The following FZD9 variants were observed in gnomAD, a reference collection of about 807,000 sequenced individuals.
FZD9 encodes frizzled class receptor 9.
A neutral mutation model predicts 29.9 loss-of-function variants in FZD9; 29 were observed. That is an observed-to-expected ratio of 0.97 (90% CI 0.72 to 1.32). The LOEUF (loss-of-function observed/expected upper bound fraction) is 1.32. Among genes scored for constraint, FZD9 ranks in the 40% most tolerant of loss-of-function variants. The pLI is 0.00. For missense variants in FZD9, 822 were observed against 857.8 expected (o/e 0.96, Z 0.52); for synonymous variants, 384 against 393.9 (o/e 0.97, Z 0.30).
chr7:73,434,644 C>CCT lies in FZD9; in HGVS notation c.638_639insTC (p.Cys215AlafsTer69). 1 of 1,597,650 alleles carries CCT rather than the reference C, an allele frequency of 6.3e-7. No homozygotes were observed. The highest frequency in any genetic ancestry group is 2.2e-5 in the East Asian group (1 of 44,758). ...CGTGGAGAAGAGCCGCTCGTGCGCA[C>CCT]CGCGCTGCGGGCCCGGCGTCGAGGT... On this transcript the variant is annotated frameshift_variant, in exon 1 of 1. Transcript: ENST00000344575. LOFTEE classifies it high-confidence loss of function.
chr7:73,435,240 G>A lies in FZD9; in HGVS notation c.1233G>A (p.Val411=). The A allele has an allele frequency of 6.2e-7, 1 of 1,613,688 alleles. No individual in the cohort carries two copies. The highest frequency in any genetic ancestry group is 8.5e-7 in the Non-Finnish European group (1 of 1,180,022). ...TGGTGCCCCTCTCTGGCTACCTGGT[G>A]CTGGGCAGTAGTTTCCTCCTGACCG... The part of the protein sequence containing the change: ...FVLVPLSGYL[V]LGSSFLLTGF... Residue 411 remains valine, a synonymous_variant, in exon 1 of 1, where the codon GTG becomes GTA. Transcript: ENST00000344575.
rs372342933 is a variant in FZD9, at chr7:73,434,424, C to T, written c.417C>T (p.Cys139=). 6.9e-5 allele frequency: 107 copies of T among 1,559,548 alleles called. No individual in the cohort carries two copies. Among genetic ancestry groups the T allele is most frequent in the Non-Finnish European group, 7.9e-5 (92 of 1,161,792 alleles). ...TCGGCTGGCCGGACTCGCTCGACTGCGCCCGGCTGCCCACGCGCAACGACC... is the reference window on the plus strand; with the variant it reads ...TCGGCTGGCCGGACTCGCTCGACTGTGCCCGGCTGCCCACGCGCAACGACC... ...FNFGWPDSLD[C]ARLPTRNDPH... is the part of the protein sequence containing the mutation. The change falls in exon 1 of 1, where the codon TGC becomes TGT. Residue 139 remains cysteine (C), a synonymous_variant. Coordinates refer to ENST00000344575, the MANE Select transcript of FZD9 (RefSeq NM_003508.3).
Position 73,434,018 on chromosome 7 carries a change from C to A in FZD9, c.11C>A (p.Ala4Glu). 6 of 1,224,020 alleles carry A rather than the reference C, an allele frequency of 4.9e-6. No individual in the cohort carries two copies. Among genetic ancestry groups the A allele is most frequent in the Non-Finnish European group, 6.1e-6 (6 of 983,748 alleles). The allele number at this position is 1,224,020 out of a possible 1,614,324, so 75.8% of individuals were successfully genotyped here. MAV[A>E]PLRGALLLWQ... ...CCCGGGCCTCCCGGGATGGCCGTGG[C>A]GCCTCTGCGGGGGGCGCTGCTGCTG... The change falls in exon 1 of 1, where the codon GCG becomes GAG. Residue 4 changes from alanine to glutamate, a missense_variant. Coordinates refer to ENST00000344575, the MANE Select transcript of FZD9 (RefSeq NM_003508.3).
At position 73,434,373 on chromosome 7, in the gene FZD9, C is replaced by A. The variant is rs1161513152; in HGVS notation, c.366C>A (p.Cys122Ter). ...RPMCEQARLRCAPIMEQFNFG... is the reference protein window; with the variant it reads ...RPMCEQARLR ...TGTGCGAGCAGGCGCGCCTGCGCTG[C>A]GCGCCCATCATGGAGCAGTTCAACT... is the stretch of plus-strand genomic sequence containing the variant. Residue 122 changes from cysteine (C) to a stop codon, truncating the protein, a stop_gained, in exon 1 of 1, where the codon TGC (cysteine) becomes TGA (stop). Coordinates refer to ENST00000344575, the MANE Select transcript of FZD9 (RefSeq NM_003508.3). LOFTEE classifies it low-confidence loss of function (END_TRUNC). 8 of 1,583,666 alleles carry A rather than the reference C, an allele frequency of 5.1e-6. No individual in the cohort carries two copies. The highest frequency in any genetic ancestry group is 6.8e-6 in the Non-Finnish European group (8 of 1,172,112).
At position 73,435,857 on chromosome 7, in the gene FZD9, G is replaced by A. The variant is rs1787413704; in HGVS notation, c.*74G>A. 2 of 1,507,574 alleles carry A rather than the reference G, an allele frequency of 1.3e-6. No individual in the cohort carries two copies. Among genetic ancestry groups the A allele is most frequent in the African/African-American group, 2.8e-5 (2 of 71,456 alleles). The allele number at this position is 1,507,574 out of a possible 1,614,324, so 93.4% of individuals were successfully genotyped here. A position where few individuals can be genotyped will look rare whatever the true frequency, so the allele number is the denominator to read the frequency against. ...CGCCCTGCCCCCTGCATCCCCTAGA[G>A]ACAGCTGACTAGCAGCTGCCCAGCT... is the stretch of plus-strand genomic sequence containing the variant. On this transcript the variant is annotated 3_prime_UTR_variant, in exon 1 of 1. Transcript: ENST00000344575.
rs782017831 is a variant in FZD9, at chr7:73,435,085, A to G, written c.1078A>G (p.Met360Val). 6.2e-7 allele frequency: 1 copy of G among 1,612,474 alleles called. No homozygotes were observed. Among genetic ancestry groups the G allele is most frequent in the Non-Finnish European group, 8.5e-7 (1 of 1,179,426 alleles). The change falls in exon 1 of 1, where the codon ATG (methionine) becomes GTG (valine). Residue 360 changes from methionine (M) to valine (V), a missense_variant. Coordinates refer to ENST00000344575, the MANE Select transcript of FZD9 (RefSeq NM_003508.3). Reference sequence around the variant, plus strand: ...CGAGGCCCACGGCAGCTATTTCCACATGGCTGCCTGGGGCCTGCCCGCGCT... The same window carrying G: ...CGAGGCCCACGGCAGCTATTTCCACGTGGCTGCCTGGGGCCTGCCCGCGCT... The part of the protein sequence containing the change: ...AIEAHGSYFH[M>V]AAWGLPALKT...
chr7:73,434,495 C>T lies in FZD9; in HGVS notation c.488C>T (p.Pro163Leu). The change falls in exon 1 of 1, where the codon CCC (proline) becomes CTC (leucine). Residue 163 changes from proline (P) to leucine (L), a missense_variant. By Grantham distance (98) the Pro-to-Leu change is moderately conservative. Coordinates refer to ENST00000344575, the MANE Select transcript of FZD9 (RefSeq NM_003508.3). ...GCGCCCGAGAACGCCACGGCCGGCC[C>T]CGCGGAGCCCCACAAGGGCCTGGGC... Reference protein sequence around the residue: ...MEAPENATAGPAEPHKGLGML... With the variant: ...MEAPENATAGLAEPHKGLGML... The T allele has an allele frequency of 6.8e-7, 1 of 1,473,288 alleles. No homozygotes were observed. Among genetic ancestry groups the T allele is most frequent in the South Asian group, 1.3e-5 (1 of 76,398 alleles). 91.3% of individuals were successfully genotyped at this position (1,473,288 alleles called of 1,614,324 possible).
In FZD9 at chr7:73,435,456, G is replaced by C; in HGVS notation, c.1449G>C (p.Gln483His). The C allele has an allele frequency of 6.2e-7, 1 of 1,613,348 alleles. No individual in the cohort carries two copies. The highest frequency in any genetic ancestry group is 8.5e-7 in the Non-Finnish European group (1 of 1,179,906). The change falls in exon 1 of 1, where the codon CAG becomes CAC. Residue 483 changes from glutamine to histidine, a missense_variant. Physicochemically the swap from Gln to His is conservative, Grantham distance 24. Coordinates refer to ENST00000344575, the MANE Select transcript of FZD9 (RefSeq NM_003508.3). ...MDFWRLRATE[Q>H]PCAAAAGPGG... The stretch of plus-strand genomic sequence containing the variant: ...TCTGGCGCCTTCGGGCCACAGAGCA[G>C]CCATGCGCAGCGGCCGCGGGGCCCG...
chr7:73,435,678 C>A lies in FZD9; in HGVS notation c.1671C>A (p.Ala557=). 2 of 1,613,174 alleles carry A rather than the reference C, an allele frequency of 1.2e-6. No individual in the cohort carries two copies. The highest frequency in any genetic ancestry group is 1.7e-6 in the Non-Finnish European group (2 of 1,179,846). Residue 557 remains alanine, a synonymous_variant, in exon 1 of 1, where the codon GCC becomes GCA. Coordinates refer to ENST00000344575, the MANE Select transcript of FZD9 (RefSeq NM_003508.3). The part of the protein sequence containing the change: ...AGRARAKACR[A]PGSYGRGTHC... ...GGGCCCGGGCCAAGGCCTGCCGCGC[C>A]CCCGGGAGCTACGGACGTGGCACGC...
Position 73,433,991 on chromosome 7 carries a change from G to T in FZD9, c.-17G>T. 4.2e-6 allele frequency: 5 copies of T among 1,197,670 alleles called. No individual in the cohort carries two copies. The highest frequency in any genetic ancestry group is 5.2e-6 in the Non-Finnish European group (5 of 966,274). The allele number at this position is 1,197,670 out of a possible 1,614,324, so 74.2% of individuals were successfully genotyped here. On this transcript the variant is annotated 5_prime_UTR_variant, in exon 1 of 1. Transcript: ENST00000344575. ...GAGCCGGGGCCGCGCTCCCGCCTTC[G>T]GCCCGGGCCTCCCGGGATGGCCGTG...
Position 73,434,375 on chromosome 7 carries a change from C to T in FZD9, c.368C>T (p.Ala123Val). Reference protein sequence around the residue: ...PMCEQARLRCAPIMEQFNFGW... With the variant: ...PMCEQARLRCVPIMEQFNFGW... Reference sequence around the variant, plus strand: ...TGCGAGCAGGCGCGCCTGCGCTGCGCGCCCATCATGGAGCAGTTCAACTTC... The same window carrying T: ...TGCGAGCAGGCGCGCCTGCGCTGCGTGCCCATCATGGAGCAGTTCAACTTC... Residue 123 changes from alanine (A) to valine (V), a missense_variant, in exon 1 of 1, where the codon GCG becomes GTG. Ala to Val is a moderately conservative substitution (Grantham distance 64). Transcript: ENST00000344575. The T allele has an allele frequency of 6.3e-7, 1 of 1,584,020 alleles. No homozygotes were observed.
Position 73,434,469 on chromosome 7 carries a change from G to C in FZD9, c.462G>C (p.Glu154Asp). Residue 154 changes from glutamate (E) to aspartate (D), a missense_variant, in exon 1 of 1, where the codon GAG becomes GAC. Physicochemically the swap from Glu to Asp is conservative, Grantham distance 45. Coordinates refer to ENST00000344575, the MANE Select transcript of FZD9 (RefSeq NM_003508.3). ...TRNDPHALCM[E>D]APENATAGPA... ...ACGACCCGCACGCGCTGTGCATGGA[G>C]GCGCCCGAGAACGCCACGGCCGGCC... 6.6e-7 allele frequency: 1 copy of C among 1,507,132 alleles called. No individual in the cohort carries two copies. The highest frequency in any genetic ancestry group is 8.8e-7 in the Non-Finnish European group (1 of 1,135,942). The allele number at this position is 1,507,132 out of a possible 1,614,324, so 93.4% of individuals were successfully genotyped here. A position where few individuals can be genotyped will look rare whatever the true frequency, so the allele number is the denominator to read the frequency against.
Position 73,435,746 on chromosome 7 carries a change from A to G in FZD9, c.1739A>G (p.Lys580Arg). The G allele has an allele frequency of 6.2e-7, 1 of 1,604,074 alleles. No homozygotes were observed. The highest frequency in any genetic ancestry group is 8.5e-7 in the Non-Finnish European group (1 of 1,173,296). The stretch of plus-strand genomic sequence containing the variant: ...CCCACCGTGGTCTTGCACATGACTA[A>G]GACGGACCCCTCTTTGGAGAACCCC... ...KAPTVVLHMT[K>R]TDPSLENPTH... The change falls in exon 1 of 1, where the codon AAG (lysine) becomes AGG (arginine). Residue 580 changes from lysine to arginine, a missense_variant. By Grantham distance (26) the Lys-to-Arg change is conservative. Coordinates refer to ENST00000344575, the MANE Select transcript of FZD9 (RefSeq NM_003508.3).
chr7:73,435,484 G>T lies in FZD9; in HGVS notation c.1477G>T (p.Gly493Cys), dbSNP rs1554563607. The change falls in exon 1 of 1, where the codon GGC (glycine) becomes TGC (cysteine). Residue 493 changes from glycine to cysteine, a missense_variant. By Grantham distance (159) the Gly-to-Cys change is radical. Coordinates refer to ENST00000344575, the MANE Select transcript of FZD9 (RefSeq NM_003508.3). ...QPCAAAAGPG[G>C]RRDCSLPGGS... Reference sequence around the variant, plus strand: ...ATGCGCAGCGGCCGCGGGGCCCGGAGGCCGGAGGGACTGCTCGCTGCCAGG... The same window carrying T: ...ATGCGCAGCGGCCGCGGGGCCCGGATGCCGGAGGGACTGCTCGCTGCCAGG... 1.2e-6 allele frequency: 2 copies of T among 1,612,872 alleles called. No individual in the cohort carries two copies. The highest frequency in any genetic ancestry group is 1.7e-6 in the Non-Finnish European group (2 of 1,179,680).
chr7:73,435,394 A>G lies in FZD9; in HGVS notation c.1387A>G (p.Ile463Val), dbSNP rs782125902. Residue 463 changes from isoleucine (I) to valine (V), a missense_variant, in exon 1 of 1, where the codon ATC becomes GTC. By Grantham distance (29) the Ile-to-Val change is conservative (BLOSUM62 3). Transcript: ENST00000344575. The part of the protein sequence containing the change: ...ILYTVPATCV[I>V]VCYVYERLNM... ...CTACACGGTGCCCGCCACCTGCGTC[A>G]TCGTTTGCTATGTCTACGAACGCCT... 6.2e-7 allele frequency: 1 copy of G among 1,614,020 alleles called. No individual in the cohort carries two copies. The highest frequency in any genetic ancestry group is 1.3e-5 in the African/African-American group (1 of 75,076).
rs1554563583 is a variant in FZD9 at position 73,435,377 on chromosome 7, T to A, written c.1370T>A (p.Val457Glu). The A allele has an allele frequency of 1.9e-6, 3 of 1,613,904 alleles. No homozygotes were observed. The highest frequency in any genetic ancestry group is 4.5e-5 in the East Asian group (2 of 44,882). The change falls in exon 1 of 1, where the codon GTG (valine) becomes GAG (glutamate). Residue 457 changes from valine (V) to glutamate (E), a missense_variant. By Grantham distance (121) the Val-to-Glu change is moderately radical (BLOSUM62 -2). Coordinates refer to ENST00000344575, the MANE Select transcript of FZD9 (RefSeq NM_003508.3). ...KIGVFSILYT[V>E]PATCVIVCYV... ...GGGGTCTTCTCCATCCTCTACACGG[T>A]GCCCGCCACCTGCGTCATCGTTTGC...
rs1554563589 is a variant in FZD9, at chr7:73,435,403, T to A, written c.1396T>A (p.Tyr466Asn). 6.2e-7 allele frequency: 1 copy of A among 1,613,964 alleles called. No homozygotes were observed. The highest frequency in any genetic ancestry group is 1.1e-5 in the South Asian group (1 of 91,090). Residue 466 changes from tyrosine to asparagine, a missense_variant, in exon 1 of 1, where the codon TAT (tyrosine) becomes AAT (asparagine). Physicochemically the swap from Tyr to Asn is moderately radical, Grantham distance 143. Transcript: ENST00000344575. ...GCCCGCCACCTGCGTCATCGTTTGC[T>A]ATGTCTACGAACGCCTCAACATGGA... The part of the protein sequence containing the change: ...TVPATCVIVC[Y>N]VYERLNMDFW...
In FZD9 at chr7:73,433,903, C is replaced by A; in HGVS notation, c.-105C>A. ...GCCCGGACACACGTGGGCGGCTCAG[C>A]GATGGCCCGCGCCCCGCGACGTGGC... On this transcript the variant is annotated 5_prime_UTR_variant, in exon 1 of 1. Transcript: ENST00000344575. 1 of 911,494 alleles carries A rather than the reference C, an allele frequency of 1.1e-6. No homozygotes were observed. Among genetic ancestry groups the A allele is most frequent in the South Asian group, 5.1e-5 (1 of 19,760 alleles). The allele number at this position is 911,494 out of a possible 1,614,324, so 56.5% of individuals were successfully genotyped here.
Position 73,435,650 on chromosome 7 carries a change from G to A in FZD9, c.1643G>A (p.Gly548Asp). The A allele has an allele frequency of 1.2e-6, 2 of 1,613,144 alleles. No individual in the cohort carries two copies. Among genetic ancestry groups the A allele is most frequent in the Non-Finnish European group, 1.7e-6 (2 of 1,179,864 alleles). Residue 548 changes from glycine (G) to aspartate (D), a missense_variant, in exon 1 of 1, where the codon GGC becomes GAC. Gly to Asp is a moderately conservative substitution (Grantham distance 94, BLOSUM62 -1). Transcript: ENST00000344575. ...QSLCYRKIAA[G>D]RARAKACRAP... ...CTGTGCTACCGCAAGATAGCAGCTG[G>A]CCGGGCCCGGGCCAAGGCCTGCCGC...
Sources: allele counts gnomAD v4.1 joint callset, GRCh38; gene constraint gnomAD v4.1.1; transcripts MANE v1.5; gene names NCBI Gene and HGNC (gene_info 2026-07-23, HGNC 2026-07-21).